Variants in HIBADH observed in about 807,000 individuals in gnomAD.
HIBADH encodes the protein 3-hydroxyisobutyrate dehydrogenase, mitochondrial.
A neutral mutation model predicts 36.1 loss-of-function variants in HIBADH; 25 were observed. The ratio of observed to expected loss-of-function variants is 0.69; its 90% CI spans 0.50 to 0.97. HIBADH has a LOEUF of 0.97. Among genes scored for constraint, HIBADH ranks in the 50% least tolerant of loss-of-function variants. The probability of loss-of-function intolerance (pLI) is 0.00; values close to 1 mark genes in which losing one functional copy is unlikely to be tolerated. For synonymous variants in HIBADH, 160 were observed against 149.5 expected (o/e 1.07, Z -0.51); for missense variants, 421 against 418.0 (o/e 1.01, Z -0.06).
chr7:27,567,306 C>G (rs1420955494), intron 4 of HIBADH, among the ~76,000 whole-genome samples: 1 of 151,932 alleles, frequency 6.6e-6, no homozygotes, highest in Non-Finnish European at 1.5e-5. Context: ...GGTAATTTTC[C>G]TTGCTCTTTG....
intron 2 of HIBADH, among the ~76,000 whole-genome samples, chr7:27,639,768 T>C (rs1785927074): frequency 6.6e-6 from 1 of 152,176 alleles, no homozygotes; most frequent in Admixed American, 6.5e-5. Flanking sequence ...AACGTCCACA[T>C]ATTTTATGAA....
At chr7:27,565,074 C>T (rs766779537) in intron 4 of HIBADH, among the ~76,000 whole-genome samples, 1 of 152,094 alleles carries the variant, frequency 6.6e-6, no homozygotes, top group Non-Finnish European at 1.5e-5. Flanking sequence ...ATCTAAAGCT[C>T]ACATCCCCAA....
chr7:27,610,356 CA>C (rs767729600), intron 4 of HIBADH, among the ~76,000 whole-genome samples: 17 of 152,206 alleles, frequency 1.1e-4, no homozygotes, highest in Non-Finnish European at 2.2e-4. Context: ...CCATCACCTC[CA>C]AAAGTTTCCT....
At chr7:27,562,666 C>G (rs973049154) in intron 4 of HIBADH, among the ~76,000 whole-genome samples, 2 of 152,110 alleles carry the variant, frequency 1.3e-5, no homozygotes, top group Admixed American at 1.3e-4. Context: ...CTATGTTGCC[C>G]AGGGTGGTCT....
intron 4 of HIBADH, among the ~76,000 whole-genome samples, chr7:27,552,172 G>A (rs1003474790): frequency 1.3e-5 from 2 of 152,272 alleles, no homozygotes; most frequent in East Asian, 1.9e-4. Context: ...AGTTTAGAGC[G>A]TGCCATGTTT....
chr7:27,564,280 C>T (rs1467061848), intron 4 of HIBADH, among the ~76,000 whole-genome samples: 1 of 152,062 alleles, frequency 6.6e-6, no homozygotes, highest in Non-Finnish European at 1.5e-5. Flanking sequence ...TTTTCCAAAC[C>T]CAAGGCCAGA....
chr7:27,526,344 G>A lies in HIBADH; in HGVS notation c.881C>T (p.Thr294Ile). ...KDLGLAQDSATSTKSPILLGS... is the reference protein window; with the variant it reads ...KDLGLAQDSAISTKSPILLGS... ...AAGAAGGATTGGGCTCTTTGTGCTGGTAGCAGAGTCTTGTGCCAATCCCAG... is the reference window on the plus strand; with the variant it reads ...AAGAAGGATTGGGCTCTTTGTGCTGATAGCAGAGTCTTGTGCCAATCCCAG... The change falls in exon 8 of 8, where the codon ACC (threonine) becomes ATC (isoleucine). Residue 294 changes from threonine to isoleucine, a missense_variant. Thr to Ile is a moderately conservative substitution (Grantham distance 89). Transcript: ENST00000265395. 6.2e-7 allele frequency: 1 copy of A among 1,612,692 alleles called. No individual in the cohort carries two copies. Among genetic ancestry groups the A allele is most frequent in the Non-Finnish European group, 8.5e-7 (1 of 1,179,388 alleles).
chr7:27,635,068 TTCTC>T (rs998214040), intron 2 of HIBADH, among the ~76,000 whole-genome samples: 11 of 139,740 alleles, frequency 7.9e-5, no homozygotes, highest in African/African-American at 1.9e-4. Context: ...CTCTCTCTCT[TTCTC>T]TCTCTCTCTG....
Position 27,633,845 on chromosome 7 carries a change from C to T in HIBADH, c.253-1400G>A, listed in dbSNP as rs529647148. 5.9e-5 allele frequency among the ~76,000 whole-genome samples: 9 copies of T among 152,050 alleles called. No individual in the cohort carries two copies. In the South Asian group the frequency reaches 1.0e-3, roughly 18 times the overall value. The stretch of plus-strand genomic sequence containing the variant: ...TCTACATACATTATGCATGTAGAAA[C>T]GTATTTCTACTAGAAAATGTGAAGG... On this transcript the variant is annotated intron_variant, in intron 2 of 7. Coordinates refer to ENST00000265395, the MANE Select transcript of HIBADH (RefSeq NM_152740.4).
chr7:27,555,625 T>C (rs1230903383), intron 4 of HIBADH, among the ~76,000 whole-genome samples: 1 of 152,176 alleles, frequency 6.6e-6, no homozygotes, highest in Non-Finnish European at 1.5e-5. Context: ...TCAGTTATGA[T>C]GTTACCATTA....
intron 2 of HIBADH, among the ~76,000 whole-genome samples, chr7:27,634,779 C>T (rs1309592674): frequency 6.6e-6 from 1 of 152,232 alleles, no homozygotes; most frequent in Non-Finnish European, 1.5e-5. Context: ...ACAATTAGCT[C>T]ACAGGTCTAA....
At chr7:27,600,539 T>A (rs1785113554) in intron 4 of HIBADH, among the ~76,000 whole-genome samples, 1 of 152,142 alleles carries the variant, frequency 6.6e-6, no homozygotes, top group African/African-American at 2.4e-5. Flanking sequence ...TGGAACTTTA[T>A]CCCAGTAAGG....
At chr7:27,561,612 TC>T (rs1165848472) in intron 4 of HIBADH, among the ~76,000 whole-genome samples, 2 of 152,168 alleles carry the variant, frequency 1.3e-5, no homozygotes, top group African/African-American at 4.8e-5. Context: ...GATATGAGGT[TC>T]TACATGTGTC....
chr7:27,546,074 A>C (rs1784231994), intron 4 of HIBADH, among the ~76,000 whole-genome samples: 1 of 152,134 alleles, frequency 6.6e-6, no homozygotes, highest in Non-Finnish European at 1.5e-5. Context: ...TTGGCTGTGA[A>C]TATGTGAATG....
chr7:27,574,646 CTAA>C (rs1246155861), intron 4 of HIBADH, among the ~76,000 whole-genome samples: 3 of 152,130 alleles, frequency 2.0e-5, no homozygotes, highest in Non-Finnish European at 4.4e-5. Context: ...ACCTCCCCCT[CTAA>C]TAATAATGAA....
chr7:27,533,740 C>T (rs369850558), intron 6 of HIBADH, among the ~76,000 whole-genome samples: 3 of 152,154 alleles, frequency 2.0e-5, no homozygotes, highest in East Asian at 3.9e-4. Flanking sequence ...AGTTTCCATT[C>T]GAAATCAACA....
intron 4 of HIBADH, among the ~76,000 whole-genome samples, chr7:27,548,952 A>G (rs930095185): frequency 2.0e-5 from 3 of 152,228 alleles, no homozygotes; most frequent in African/African-American, 7.2e-5. Context: ...AACTGTAGGT[A>G]GGCATATAAA....
At chr7:27,553,029 T>C (rs541682885) in intron 4 of HIBADH, among the ~76,000 whole-genome samples, 26 of 152,286 alleles carry the variant, frequency 1.7e-4, no homozygotes, top group African/African-American at 6.0e-4. Flanking sequence ...TTGTGAAACA[T>C]CTTAATAAAG....
intron 2 of HIBADH, among the ~76,000 whole-genome samples, chr7:27,643,723 G>A (rs1176189900): frequency 1.3e-5 from 2 of 152,250 alleles, no homozygotes; most frequent in Non-Finnish European, 2.9e-5. Flanking sequence ...CTGGAGGCCA[G>A]AAGTCTGAAA....
Sources: gnomAD v4.1 joint callset for allele counts (sites outside exome capture counted in the v4.1 genomes callset) on GRCh38, gnomAD v4.1.1 for gene constraint, MANE v1.5 for transcripts, NCBI Gene and HGNC (gene_info 2026-07-23, HGNC 2026-07-21) for gene names.